The following SPATA13 variants were observed in gnomAD, a reference collection of about 807,000 sequenced individuals.
The protein encoded by SPATA13 is spermatogenesis-associated protein 13.
SPATA13 carries 50 observed loss-of-function variants against 104.0 expected under a neutral mutation model. That is an observed-to-expected ratio of 0.48 (90% CI 0.38 to 0.61). The LOEUF (loss-of-function observed/expected upper bound fraction) is 0.61. Ranked by LOEUF, SPATA13 falls within the 20% of genes least tolerant of loss-of-function variation. The pLI is 0.00. For synonymous variants in SPATA13, 606 were observed against 667.5 expected (o/e 0.91, Z 1.42); for missense variants, 1,524 against 1,690.6 (o/e 0.90, Z 1.73).
rs1876347303 is a variant in SPATA13, at chr13:24,008,914, A to G, written c.-146-8753A>G. On this transcript the variant is annotated intron_variant, in intron 2 of 14. Coordinates refer to the SPATA13 transcript ENST00000424834. Reference sequence around the variant, plus strand: ...GAGGAGGGAAGAGGGGGGAAAGCATAGCTCTGGGACCAAGTGCGGGAGGTG... The same window carrying G: ...GAGGAGGGAAGAGGGGGGAAAGCATGGCTCTGGGACCAAGTGCGGGAGGTG... 2.0e-5 allele frequency among the ~76,000 whole-genome samples: 3 copies of G among 152,214 alleles called. No individual in the cohort carries two copies. In the South Asian group the frequency reaches 6.2e-4, roughly 31 times the overall value.
intron 3 of SPATA13, among the ~76,000 whole-genome samples, chr13:24,039,283 C>T (rs1192560121): frequency 6.6e-6 from 1 of 152,192 alleles, no homozygotes; most frequent in African/African-American, 2.4e-5. Context: ...CCTCTACCAG[C>T]TACTACTCAA....
At chr13:24,194,058 G>T (rs1423998029) in intron 1 of SPATA13, among the ~76,000 whole-genome samples, 1 of 152,164 alleles carries the variant, frequency 6.6e-6, no homozygotes, top group African/African-American at 2.4e-5. Flanking sequence ...TTGCATCCAT[G>T]GTTCAGTAGC....
chr13:24,102,534 G>A (rs1242999241), intron 3 of SPATA13, among the ~76,000 whole-genome samples: 1 of 150,446 alleles, frequency 6.6e-6, no homozygotes, highest in African/African-American at 2.4e-5. Flanking sequence ...GAGTGCAGTG[G>A]CGCAATCTTG....
At chr13:24,238,158 A>ACTCTTGCTCTATATCC (rs1872665252) in intron 2 of SPATA13, among the ~76,000 whole-genome samples, 1 of 89,206 alleles carries the variant, frequency 1.1e-5, no homozygotes, top group African/African-American at 4.7e-5. Flanking sequence ...TTTTTTTGAG[A>ACTCTTGCTCTATATCC]CAGACTCTTG....
chr13:24,006,273 C>T (rs145469516), intron 2 of SPATA13, among the ~76,000 whole-genome samples: 335 of 152,298 alleles, frequency 2.2e-3, no homozygotes, highest in African/African-American at 7.8e-3. Context: ...AGATGTCACT[C>T]TTGAGTGTTC....
chr13:24,258,609 C>A (rs186068260), intron 4 of SPATA13, among the ~76,000 whole-genome samples: 1 of 151,636 alleles, frequency 6.6e-6, no homozygotes, highest in Non-Finnish European at 1.5e-5. Context: ...GCAGAGGTTG[C>A]AGCGGGCCAA....
At chr13:24,198,109 C>A (rs1870176216) in intron 1 of SPATA13, among the ~76,000 whole-genome samples, 1 of 152,110 alleles carries the variant, frequency 6.6e-6, no homozygotes, top group South Asian at 2.1e-4. Context: ...GATTCTCCTG[C>A]CTCAGCCTCC....
intron 3 of SPATA13, among the ~76,000 whole-genome samples, chr13:24,108,768 A>G (rs1233412897): frequency 6.6e-6 from 1 of 152,070 alleles, no homozygotes. Flanking sequence ...CCGAGCCCAC[A>G]GTTCCTTGGG....
chr13:24,163,893 C>A (rs1474926287), intron 1 of SPATA13, among the ~76,000 whole-genome samples: 1 of 152,192 alleles, frequency 6.6e-6, no homozygotes, highest in Non-Finnish European at 1.5e-5. Context: ...TGGAAGGTTT[C>A]ACTTAGAAGG....
intron 2 of SPATA13, among the ~76,000 whole-genome samples, chr13:24,228,611 C>A (rs1220551): frequency 0.52 from 78,265 of 151,936 alleles, 20,958 homozygotes; most frequent in African/African-American, 0.66. Flanking sequence ...AAAAGGGTGA[C>A]ACGCAAGGAT....
chr13:24,257,283 G>T (rs921171826), intron 4 of SPATA13, among the ~76,000 whole-genome samples: 1 of 152,088 alleles, frequency 6.6e-6, no homozygotes. Flanking sequence ...GACTTGAGTG[G>T]GAACTTCACA....
intron 2 of SPATA13, among the ~76,000 whole-genome samples, chr13:24,242,021 C>T (rs1872863934): frequency 6.7e-6 from 1 of 150,342 alleles, no homozygotes; most frequent in Admixed American, 6.6e-5. Flanking sequence ...CTACTTACTT[C>T]AATCTGAATG....
At chr13:24,016,998 C>T (rs1361216131) in intron 2 of SPATA13, among the ~76,000 whole-genome samples, 2 of 152,206 alleles carry the variant, frequency 1.3e-5, no homozygotes, top group African/African-American at 2.4e-5. Flanking sequence ...CTGACACAGA[C>T]TCGGCAGCCT....
At chr13:24,071,453 CTG>C (rs899037096) in intron 3 of SPATA13, among the ~76,000 whole-genome samples, 12 of 152,310 alleles carry the variant, frequency 7.9e-5, no homozygotes, top group South Asian at 4.1e-4. Context: ...CATAACAACT[CTG>C]TGAAGTGGGT....
intron 4 of SPATA13, among the ~76,000 whole-genome samples, chr13:24,260,909 A>C (rs529826714): frequency 1.3e-5 from 2 of 152,298 alleles, no homozygotes; most frequent in Admixed American, 1.3e-4. Context: ...TGTATGCCTT[A>C]AGTTATGTTC....
intron 2 of SPATA13, among the ~76,000 whole-genome samples, chr13:24,236,587 C>T (rs1368142659): frequency 9.3e-6 from 1 of 107,868 alleles, no homozygotes; most frequent in East Asian, 2.5e-4. Flanking sequence ...CAGAGGGAGA[C>T]TCCATCTCAA....
At chr13:24,027,621 A>G (rs4770556) in intron 3 of SPATA13, among the ~76,000 whole-genome samples, 118,284 of 151,794 alleles carry the variant, frequency 0.78, 46,692 homozygotes, top group Middle Eastern at 0.85. Flanking sequence ...ATCTTTATGT[A>G]TTAGTTCTTA....
intron 2 of SPATA13, among the ~76,000 whole-genome samples, chr13:23,987,351 A>T (rs919304985): frequency 6.6e-6 from 1 of 152,188 alleles, no homozygotes; most frequent in African/African-American, 2.4e-5. Flanking sequence ...TTTTCAGTGG[A>T]TAAAAGATAG....
At chr13:24,153,657 A>G (rs1593363616) in intron 3 of SPATA13, among the ~76,000 whole-genome samples, 1 of 152,180 alleles carries the variant, frequency 6.6e-6, no homozygotes, top group South Asian at 2.1e-4. Context: ...ACCCATGTCA[A>G]TTGCAATTCC....
Sources: allele counts gnomAD v4.1 joint callset (sites outside exome capture counted in the v4.1 genomes callset), GRCh38; gene constraint gnomAD v4.1.1; transcripts MANE v1.5; gene names NCBI Gene and HGNC (gene_info 2026-07-23, HGNC 2026-07-21).